Variants in HMBOX1 observed in about 807,000 individuals in gnomAD.
HMBOX1 encodes the protein homeobox containing 1, also known as homeobox-containing protein 1.
HMBOX1 carries 14 observed loss-of-function variants against 54.5 expected under a neutral mutation model. The observed-to-expected ratio is 0.26, with a 90% confidence interval of 0.17 to 0.40. HMBOX1 has a LOEUF of 0.40. Among genes scored for constraint, HMBOX1 ranks in the 10% least tolerant of loss-of-function variants. The probability of loss-of-function intolerance (pLI) is 1.00; values close to 1 mark genes in which losing one functional copy is unlikely to be tolerated. For synonymous variants in HMBOX1, 160 were observed against 181.0 expected (o/e 0.88, Z 0.93); for missense variants, 332 against 514.4 (o/e 0.65, Z 3.43).
chr8:28,900,245 A>G (rs1585642327), intron 1 of HMBOX1, among the ~76,000 whole-genome samples: 1 of 105,032 alleles, frequency 9.5e-6, no homozygotes. Flanking sequence ...ACAGAGCAAG[A>G]TTCCGTCTCA....
intron 2 of HMBOX1, among the ~76,000 whole-genome samples, chr8:28,967,136 A>G (rs1455777023): frequency 6.6e-6 from 1 of 152,200 alleles, no homozygotes; most frequent in African/African-American, 2.4e-5. Flanking sequence ...GTGACTGTTC[A>G]TCTTTCCCCT....
chr8:28,941,407 T>C (rs1035119803), intron 1 of HMBOX1, among the ~76,000 whole-genome samples: 1 of 152,238 alleles, frequency 6.6e-6, no homozygotes, highest in African/African-American at 2.4e-5. Context: ...AAAATATATT[T>C]ATGTTTTCCC....
At chr8:28,956,855 A>G (rs1409122086) in intron 1 of HMBOX1, among the ~76,000 whole-genome samples, 1 of 152,234 alleles carries the variant, frequency 6.6e-6, no homozygotes, top group Admixed American at 6.5e-5. Context: ...GACACTTCTC[A>G]AAAGAAGACT....
intron 9 of HMBOX1, 77 bp from the exon 10 acceptor site, chr8:29,050,941 C>G: frequency 1.4e-6 from 2 of 1,475,006 alleles, no homozygotes; most frequent in Non-Finnish European, 1.8e-6. Context: ...TCTGCCTCCC[C>G]TTGCCCCAGC....
At chr8:28,908,049 C>T (rs1057307242) in intron 1 of HMBOX1, among the ~76,000 whole-genome samples, 10 of 152,086 alleles carry the variant, frequency 6.6e-5, no homozygotes, top group African/African-American at 9.6e-5. Context: ...GATGAGATTT[C>T]GCCATGTTGC....
chr8:29,009,810 A>C (rs548168189), intron 5 of HMBOX1: 1 of 1,242,778 alleles, frequency 8.0e-7, no homozygotes, highest in Non-Finnish European at 1.0e-6. Flanking sequence ...GATCTATTCA[A>C]GATACTAACA....
chr8:29,049,417 C>A (rs1488254110), intron 9 of HMBOX1: 1 of 1,528,410 alleles, frequency 6.5e-7, no homozygotes, highest in Non-Finnish European at 8.8e-7. Flanking sequence ...ATTCACGACA[C>A]ACACTCAGTG....
At chr8:29,010,694 A>T (rs1200380279) in intron 5 of HMBOX1, among the ~76,000 whole-genome samples, 4 of 152,006 alleles carry the variant, frequency 2.6e-5, no homozygotes, top group Admixed American at 6.6e-5. Flanking sequence ...AGTCCTCATT[A>T]TTATACCTAA....
intron 1 of HMBOX1, among the ~76,000 whole-genome samples, chr8:28,911,260 T>A (rs1392056247): frequency 1.3e-5 from 2 of 151,988 alleles, no homozygotes; most frequent in African/African-American, 2.4e-5. Flanking sequence ...GGGGGGAGGG[T>A]GCTGTCCTTG....
chr8:28,947,854 G>C (rs1300090188), intron 1 of HMBOX1, among the ~76,000 whole-genome samples: 1 of 152,088 alleles, frequency 6.6e-6, no homozygotes, highest in Non-Finnish European at 1.5e-5. Context: ...CTTTGAAACT[G>C]ATAGGCTGTG....
intron 1 of HMBOX1, among the ~76,000 whole-genome samples, chr8:28,954,045 T>C (rs1823978233): frequency 6.6e-6 from 1 of 152,184 alleles, no homozygotes; most frequent in Non-Finnish European, 1.5e-5. Flanking sequence ...AGTTTCATGA[T>C]ATTTTTTACC....
intron 4 of HMBOX1, among the ~76,000 whole-genome samples, chr8:28,982,750 C>G (rs1829577353): frequency 6.6e-6 from 1 of 152,120 alleles, no homozygotes; most frequent in Admixed American, 6.5e-5. Context: ...CTCAGCCTCC[C>G]AAGTACCTGG....
intron 1 of HMBOX1, among the ~76,000 whole-genome samples, chr8:28,897,682 A>G (rs901810611): frequency 6.6e-6 from 1 of 152,230 alleles, no homozygotes; most frequent in Non-Finnish European, 1.5e-5. Flanking sequence ...TCTCAAACAA[A>G]CAAACAAAAA....
chr8:29,029,743 T>G (rs111956065), intron 6 of HMBOX1, among the ~76,000 whole-genome samples: 134 of 152,354 alleles, frequency 8.8e-4, no homozygotes, highest in African/African-American at 3.1e-3. Flanking sequence ...TGAAGAATAA[T>G]TCTACTCATT....
chr8:28,965,384 T>G (rs1826262840), intron 2 of HMBOX1, among the ~76,000 whole-genome samples: 1 of 152,218 alleles, frequency 6.6e-6, no homozygotes, highest in Non-Finnish European at 1.5e-5. Context: ...CAAAGAGAAT[T>G]TTTTCTTGGG....
At chr8:28,893,561 G>C (rs1364471931) in intron 1 of HMBOX1, among the ~76,000 whole-genome samples, 1 of 152,146 alleles carries the variant, frequency 6.6e-6, no homozygotes, top group Non-Finnish European at 1.5e-5. Context: ...CTTTAGTGAG[G>C]CTTCGTTTTC....
At chr8:28,932,382 G>A (rs1186374083) in intron 1 of HMBOX1, among the ~76,000 whole-genome samples, 1 of 152,246 alleles carries the variant, frequency 6.6e-6, no homozygotes, top group African/African-American at 2.4e-5. Context: ...CTACCATTGA[G>A]AATGGCTTGT....
intron 4 of HMBOX1, among the ~76,000 whole-genome samples, chr8:29,003,137 C>G (rs1832889519): frequency 6.7e-6 from 1 of 149,414 alleles, no homozygotes; most frequent in Non-Finnish European, 1.5e-5. Context: ...GTACAGTCTT[C>G]TTTAGGGGAC....
chr8:29,019,028 C>CT (rs1800763963), intron 6 of HMBOX1, 115 bp downstream of exon 6: 1 of 821,728 alleles, frequency 1.2e-6, no homozygotes, highest in Non-Finnish European at 1.9e-6. Context: ...GGTTCTATCT[C>CT]TAAAAGTACT....
Sources: gnomAD v4.1 joint callset for allele counts (sites outside exome capture counted in the v4.1 genomes callset) on GRCh38, gnomAD v4.1.1 for gene constraint, MANE v1.5 for transcripts, NCBI Gene and HGNC (gene_info 2026-07-23, HGNC 2026-07-21) for gene names.